The following NXPH4 variants were observed in gnomAD, a reference collection of about 807,000 sequenced individuals.
The protein encoded by NXPH4 is neurexophilin 4.
In NXPH4, 8 loss-of-function variants were observed where a neutral mutation model predicts 21.3. That is an observed-to-expected ratio of 0.38 (90% CI 0.22 to 0.68). NXPH4 has a LOEUF of 0.68. Among genes scored for constraint, NXPH4 ranks in the 30% least tolerant of loss-of-function variants. NXPH4 has a pLI of 0.53. For missense variants in NXPH4, 418 were observed against 416.8 expected (o/e 1.00, Z -0.03); for synonymous variants, 219 against 192.6 (o/e 1.14, Z -1.13).
intron 1 of NXPH4, among the ~76,000 whole-genome samples, chr12:57,218,421 G>A (rs891192520): frequency 6.6e-6 from 1 of 152,170 alleles, no homozygotes; most frequent in Non-Finnish European, 1.5e-5. Flanking sequence ...GGAGTGGGGG[G>A]GGTCTGTGCC....
chr12:57,220,547 G>A (rs1390162210), intron 1 of NXPH4, among the ~76,000 whole-genome samples: 1 of 152,232 alleles, frequency 6.6e-6, no homozygotes, highest in Non-Finnish European at 1.5e-5. Context: ...GGCAGGGGTA[G>A]AGGGAGGGGG....
chr12:57,219,210 G>A (rs1179152162), intron 1 of NXPH4, among the ~76,000 whole-genome samples: 2 of 151,960 alleles, frequency 1.3e-5, no homozygotes, highest in Non-Finnish European at 2.9e-5. Flanking sequence ...TGCCTCTCCC[G>A]TCCTGCTTGC....
intron 1 of NXPH4, chr12:57,221,653 G>A (rs945588425): frequency 4.0e-5 from 11 of 277,532 alleles, no homozygotes; most frequent in African/African-American, 2.2e-4. Context: ...GCGCACCTCC[G>A]CCCCGCCCCC....
At chr12:57,218,756 G>T (rs2037062580) in intron 1 of NXPH4, among the ~76,000 whole-genome samples, 1 of 152,230 alleles carries the variant, frequency 6.6e-6, no homozygotes, top group African/African-American at 2.4e-5. Flanking sequence ...GTGCATGTGA[G>T]AATGTGTTTA....
intron 1 of NXPH4, among the ~76,000 whole-genome samples, chr12:57,218,584 C>A (rs2037061004): frequency 1.3e-5 from 2 of 152,354 alleles, no homozygotes; most frequent in South Asian, 4.1e-4. Flanking sequence ...ATTTCCTTTG[C>A]CCCCTGAGGG....
chr12:57,224,168 C>T (rs1412400409), intron 1 of NXPH4, among the ~76,000 whole-genome samples: 1 of 151,988 alleles, frequency 6.6e-6, no homozygotes, highest in African/African-American at 2.4e-5. Flanking sequence ...CTCTGTCGCC[C>T]AGGCTGGAGT....
At position 57,225,499 on chromosome 12, in the gene NXPH4, G is replaced by A. The variant is rs1213504741; in HGVS notation, c.679G>A (p.Glu227Lys). The A allele has an allele frequency of 2.5e-6, 4 of 1,609,860 alleles. No individual in the cohort carries two copies. The highest frequency in any genetic ancestry group is 1.3e-5 in the African/African-American group (1 of 74,854). Residue 227 changes from glutamate to lysine, a missense_variant, in exon 2 of 2, where the codon GAG (glutamate) becomes AAG (lysine). Glu to Lys is a moderately conservative substitution (Grantham distance 56). Coordinates refer to ENST00000349394, the MANE Select transcript of NXPH4 (RefSeq NM_007224.4). ...GGALGVPGAK[E>K]SRAFNCHVEY... is the part of the protein sequence containing the mutation. ...CGCGTTGGGAGTGCCTGGGGCCAAA[G>A]AGTCACGCGCTTTCAATTGCCACGT...
In NXPH4 at chr12:57,223,857, C is replaced by G. The variant is rs79460653; in HGVS notation, c.58-1021C>G. 2.3e-3 allele frequency among the ~76,000 whole-genome samples: 355 copies of G among 152,336 alleles called. 9 individuals carry two copies. In the East Asian group the frequency reaches 0.058, roughly 25 times the overall value. The stretch of plus-strand genomic sequence containing the variant: ...CTCGAGCCCATGCTGTCTCCAAGAT[C>G]GGTGGCCACCTGAGACACATAGAAC... On this transcript the variant is annotated intron_variant, in intron 1 of 1. Coordinates refer to ENST00000349394, the MANE Select transcript of NXPH4 (RefSeq NM_007224.4).
chr12:57,222,852 G>A (rs1341325137), intron 1 of NXPH4, among the ~76,000 whole-genome samples: 1 of 152,198 alleles, frequency 6.6e-6, no homozygotes, highest in African/African-American at 2.4e-5. Flanking sequence ...GGAATGAGGG[G>A]GGCGATAAAT....
At chr12:57,219,490 G>A (rs896819367) in intron 1 of NXPH4, among the ~76,000 whole-genome samples, 2 of 152,320 alleles carry the variant, frequency 1.3e-5, no homozygotes, top group Admixed American at 1.3e-4. Flanking sequence ...GGAGGGCAGG[G>A]GCGGGGCCCT....
At chr12:57,221,602 C>T (rs2037092805) in intron 1 of NXPH4, 2 of 328,092 alleles carry the variant, frequency 6.1e-6, no homozygotes, top group Admixed American at 7.8e-5. Context: ...TCCCCGCTCC[C>T]CGAATGGGCC....
intron 1 of NXPH4, among the ~76,000 whole-genome samples, chr12:57,220,142 A>C (rs1263635209): frequency 6.6e-6 from 1 of 152,118 alleles, no homozygotes; most frequent in Non-Finnish European, 1.5e-5. Context: ...GCGCAGGAGG[A>C]GTCGCAGGGC....
At chr12:57,218,966 AGT>A (rs2037064512) in intron 1 of NXPH4, among the ~76,000 whole-genome samples, 1 of 117,364 alleles carries the variant, frequency 8.5e-6, no homozygotes. Flanking sequence ...GGGGTTTGTG[AGT>A]GTGTTTCTGT....
At position 57,226,192 on chromosome 12, in the gene NXPH4, C is replaced by T. The variant is rs2037146885; in HGVS notation, c.*445C>T. ...CTACCCCGCCTAAGACTGTAAAGGCCTAAAAACCTCGGCCTGTCCTCCCAC... is the reference window on the plus strand; with the variant it reads ...CTACCCCGCCTAAGACTGTAAAGGCTTAAAAACCTCGGCCTGTCCTCCCAC... On this transcript the variant is annotated 3_prime_UTR_variant, in exon 2 of 2. Transcript: ENST00000349394. 2.5e-6 allele frequency: 1 copy of T among 407,288 alleles called. No individual in the cohort carries two copies. The highest frequency in any genetic ancestry group is 4.4e-6 in the Non-Finnish European group (1 of 229,864). The allele number at this position is 407,288 out of a possible 1,614,324, so 25.2% of individuals were successfully genotyped here.
rs143877677 is a variant in NXPH4, at chr12:57,218,719, G to A, written c.57+1693G>A. Among the ~76,000 whole-genome samples, 276 of 152,352 alleles carry A rather than the reference G, an allele frequency of 1.8e-3. 1 individual carries two copies. Among genetic ancestry groups the A allele is most frequent in the Non-Finnish European group, 1.4e-3 (95 of 68,038 alleles). ...CTCCGTGTTGGAGTCAACAGGGAGA[G>A]TGGATCTGCTGGTTAGCCCAGCTTA... On this transcript the variant is annotated intron_variant, in intron 1 of 1. Transcript: ENST00000349394.
At chr12:57,218,084 A>T (rs920684101) in intron 1 of NXPH4, among the ~76,000 whole-genome samples, 1 of 152,110 alleles carries the variant, frequency 6.6e-6, no homozygotes, top group African/African-American at 2.4e-5. Flanking sequence ...CTGACCCCCA[A>T]CTGTGACCTA....
At position 57,225,151 on chromosome 12, in the gene NXPH4, T is replaced by C. The variant is rs559285323; in HGVS notation, c.331T>C (p.Phe111Leu). Residue 111 changes from phenylalanine (F) to leucine (L), a missense_variant, in exon 2 of 2, where the codon TTC (phenylalanine) becomes CTC (leucine). Coordinates refer to ENST00000349394, the MANE Select transcript of NXPH4 (RefSeq NM_007224.4). ...CAAAAAGATCTTCGGCTGGGGGGAC[T>C]TCTACTTTCGGGTGCATACCCTCAA... is the stretch of plus-strand genomic sequence containing the variant. ...RAKKIFGWGD[F>L]YFRVHTLKFS... 6.4e-7 allele frequency: 1 copy of C among 1,574,300 alleles called. No individual in the cohort carries two copies. Among genetic ancestry groups the C allele is most frequent in the Non-Finnish European group, 8.6e-7 (1 of 1,160,118 alleles).
Position 57,216,964 on chromosome 12 carries a change from G to A in NXPH4, c.-6G>A. 6.3e-7 allele frequency: 1 copy of A among 1,596,440 alleles called. No individual in the cohort carries two copies. On this transcript the variant is annotated 5_prime_UTR_variant, in exon 1 of 2. Transcript: ENST00000349394. The surrounding 1 kb of genome is among the most constrained non-coding windows in gnomAD (Gnocchi z 5.3). ...CCCAGCCTGCCCCGCTCAGCCGCCA[G>A]AGAAGATGCGGCTGCTCCCGGAATG...
At chr12:57,221,995 G>A (rs2037096090) in intron 1 of NXPH4, among the ~76,000 whole-genome samples, 1 of 152,220 alleles carries the variant, frequency 6.6e-6, no homozygotes, top group African/African-American at 2.4e-5. Context: ...AAGAGACTGA[G>A]AGAATGGGGA....
Sources: gnomAD v4.1 joint callset for allele counts (sites outside exome capture counted in the v4.1 genomes callset) on GRCh38, gnomAD v4.1.1 for gene constraint, Gnocchi (gnomAD v3.1) non-coding constraint, MANE v1.5 for transcripts, NCBI Gene and HGNC (gene_info 2026-07-23, HGNC 2026-07-21) for gene names.